Variants in RBMS1 observed in about 807,000 individuals in gnomAD.
RBMS1 encodes the protein RNA binding motif single stranded interacting protein 1, also known as RNA-binding motif, single-stranded-interacting protein 1.
In RBMS1, 17 loss-of-function variants were observed where a neutral mutation model predicts 62.3. The ratio of observed to expected loss-of-function variants is 0.27; its 90% CI spans 0.19 to 0.41. RBMS1 has a LOEUF of 0.41. Ranked by LOEUF, RBMS1 falls within the 10% of genes least tolerant of loss-of-function variation. The probability of loss-of-function intolerance (pLI) is 1.00; values close to 1 mark genes in which losing one functional copy is unlikely to be tolerated. For missense variants in RBMS1, 334 were observed against 504.5 expected (o/e 0.66, Z 3.24); for synonymous variants, 172 against 170.0 (o/e 1.01, Z -0.09).
chr2:160,403,647 G>A (rs935931807), intron 1 of RBMS1, among the ~76,000 whole-genome samples: 1 of 152,156 alleles, frequency 6.6e-6, no homozygotes, highest in Non-Finnish European at 1.5e-5. Context: ...TGGAGGGCAA[G>A]ACCATTAAAC....
At chr2:160,288,977 T>TTCA (rs748260309) in intron 6 of RBMS1, among the ~76,000 whole-genome samples, 3 of 151,800 alleles carry the variant, frequency 2.0e-5, no homozygotes, top group Admixed American at 1.3e-4. Context: ...AACAGGCAGG[T>TTCA]GTGAATAAAA....
rs1212100052 is a variant in RBMS1 at position 160,274,243 on chromosome 2, T to C, written c.*529A>G. 6.6e-6 allele frequency: 1 copy of C among 152,500 alleles called. No individual in the cohort carries two copies. Among genetic ancestry groups the C allele is most frequent in the Non-Finnish European group, 1.5e-5 (1 of 68,012 alleles). The allele number at this position is 152,500 out of a possible 1,614,324, so 9.4% of individuals were successfully genotyped here. ...GACAGAAAGCTAAGAAAAGAGACAC[T>C]GACGGCAACACTGAATTACAGCAAC... On this transcript the variant is annotated 3_prime_UTR_variant, in exon 14 of 14. Coordinates refer to ENST00000348849, the MANE Select transcript of RBMS1 (RefSeq NM_016836.4).
intron 2 of RBMS1, among the ~76,000 whole-genome samples, chr2:160,329,012 T>C (rs1402347393): frequency 6.6e-6 from 1 of 152,176 alleles, no homozygotes; most frequent in Admixed American, 6.5e-5. Context: ...CCTAGAAATT[T>C]CTCTTGATTC....
At position 160,493,385 on chromosome 2, in the gene RBMS1, G is replaced by C. The variant is rs761985258; in HGVS notation, c.-22C>G. ...CCATGAAGCTGGAAGGGAGCCTGCC[G>C]TGCAGGGTCGCGGACACTTTGGGGT... is the stretch of plus-strand genomic sequence containing the variant. On this transcript the variant is annotated 5_prime_UTR_variant, in exon 1 of 14. Transcript: ENST00000348849. The C allele has an allele frequency of 6.2e-7, 1 of 1,609,874 alleles. No individual in the cohort carries two copies. The highest frequency in any genetic ancestry group is 8.5e-7 in the Non-Finnish European group (1 of 1,176,666).
intron 1 of RBMS1, among the ~76,000 whole-genome samples, chr2:160,437,587 T>C (rs1210891124): frequency 1.3e-5 from 2 of 152,224 alleles, no homozygotes; most frequent in African/African-American, 4.8e-5. Flanking sequence ...GAAATATCCG[T>C]AGCAATATGA....
intron 2 of RBMS1, among the ~76,000 whole-genome samples, chr2:160,347,402 T>G (rs972315958): frequency 3.9e-5 from 6 of 152,170 alleles, no homozygotes; most frequent in Non-Finnish European, 8.8e-5. Context: ...CTATGTTTAT[T>G]TAAACACCAT....
At chr2:160,283,957 C>T (rs1410224302) in intron 9 of RBMS1, 3 of 152,176 alleles carry the variant, frequency 2.0e-5, no homozygotes, top group Non-Finnish European at 1.5e-5. Flanking sequence ...ACATCTAATT[C>T]AATTGTTTTA....
chr2:160,471,691 G>A (rs867716236), intron 1 of RBMS1, among the ~76,000 whole-genome samples: 24 of 65,938 alleles, frequency 3.6e-4, no homozygotes, highest in South Asian at 2.4e-3. Context: ...ATCCTTTGGT[G>A]TATATATATA....
intron 1 of RBMS1, among the ~76,000 whole-genome samples, chr2:160,370,003 T>C (rs1559458373): frequency 6.6e-6 from 1 of 152,168 alleles, no homozygotes; most frequent in Non-Finnish European, 1.5e-5. Context: ...TGGCCATCCA[T>C]ATTTACTGCA....
At chr2:160,455,910 C>G (rs371603003) in intron 1 of RBMS1, among the ~76,000 whole-genome samples, 1 of 151,970 alleles carries the variant, frequency 6.6e-6, no homozygotes, top group African/African-American at 2.4e-5. Context: ...GTCTCGATCT[C>G]CTGACCTCGT....
At chr2:160,408,322 T>A (rs1029443931) in intron 1 of RBMS1, among the ~76,000 whole-genome samples, 7 of 152,016 alleles carry the variant, frequency 4.6e-5, no homozygotes, top group Non-Finnish European at 8.8e-5. Context: ...CGCGCCACTC[T>A]TCAAGAAAAG....
chr2:160,281,529 G>T (rs1688104860), intron 9 of RBMS1, 165 bp from the exon 10 acceptor site: 2 of 570,004 alleles, frequency 3.5e-6, no homozygotes, highest in Non-Finnish European at 3.1e-6. Context: ...TGGCAAACTG[G>T]TCACTCTGAA....
At chr2:160,488,489 T>C (rs1685689600) in intron 1 of RBMS1, among the ~76,000 whole-genome samples, 1 of 152,080 alleles carries the variant, frequency 6.6e-6, no homozygotes, top group Non-Finnish European at 1.5e-5. Flanking sequence ...GGCAGGAGAA[T>C]TGCTTGAACC....
At chr2:160,389,173 C>T (rs1694731099) in intron 1 of RBMS1, among the ~76,000 whole-genome samples, 1 of 152,216 alleles carries the variant, frequency 6.6e-6, no homozygotes, top group South Asian at 2.1e-4. Flanking sequence ...TACCTAACTT[C>T]ACACCCTGGA....
At chr2:160,446,602 G>A (rs1240264972) in intron 1 of RBMS1, among the ~76,000 whole-genome samples, 1 of 152,156 alleles carries the variant, frequency 6.6e-6, no homozygotes, top group African/African-American at 2.4e-5. Flanking sequence ...AAGGGTCTAA[G>A]ATATATACCT....
chr2:160,297,182 A>G (rs1688981131), intron 6 of RBMS1, among the ~76,000 whole-genome samples: 1 of 152,238 alleles, frequency 6.6e-6, no homozygotes, highest in African/African-American at 2.4e-5. Context: ...GCTAAACATA[A>G]GATGACTAAA....
chr2:160,333,949 T>C (rs374270279), intron 2 of RBMS1, among the ~76,000 whole-genome samples: 10 of 151,972 alleles, frequency 6.6e-5, no homozygotes, highest in African/African-American at 2.4e-4. Context: ...AGATAAAAAG[T>C]GCATTCATTT....
At chr2:160,341,818 A>C (rs1691889613) in intron 2 of RBMS1, among the ~76,000 whole-genome samples, 1 of 152,178 alleles carries the variant, frequency 6.6e-6, no homozygotes, top group Non-Finnish European at 1.5e-5. Context: ...CTCACAATAA[A>C]TATTTGTGTT....
In RBMS1 at chr2:160,493,302, T is replaced by A. The variant is rs140681855; in HGVS notation, c.62A>T (p.Tyr21Phe). 3 of 1,613,210 alleles carry A rather than the reference T, an allele frequency of 1.9e-6. No homozygotes were observed. Among genetic ancestry groups the A allele is most frequent in the African/African-American group, 1.3e-5 (1 of 74,876 alleles). Residue 21 changes from tyrosine (Y) to phenylalanine (F), a missense_variant, in exon 1 of 14, where the codon TAT (tyrosine) becomes TTT (phenylalanine). This residue lies in a region of RBMS1 where 150 missense variants were observed against 228.0 expected (regional missense o/e 0.66). Coordinates refer to ENST00000348849, the MANE Select transcript of RBMS1 (RefSeq NM_016836.4). ...PQYATYYYPQ[Y>F]LQAKQSLVPA... ...GCGCCCCTTTACCTTGGCTTGCAGA[T>A]ACTGGGGGTAATAGTAGGTGGCGTA...
Sources: allele counts gnomAD v4.1 joint callset (sites outside exome capture counted in the v4.1 genomes callset), GRCh38; gene constraint gnomAD v4.1.1; regional missense constraint gnomAD v4.1.1; transcripts MANE v1.5; gene names NCBI Gene and HGNC (gene_info 2026-07-23, HGNC 2026-07-21).